Variants in COP1 observed in about 807,000 individuals in gnomAD.
The protein encoded by COP1 is E3 ubiquitin-protein ligase COP1.
In COP1, 24 loss-of-function variants were observed where a neutral mutation model predicts 101.3. That is an observed-to-expected ratio of 0.24 (90% CI 0.17 to 0.33). The LOEUF is 0.33. COP1 is among the 10% of genes least tolerant of loss of function. COP1 has a pLI of 1.00. For missense variants in COP1, 663 were observed against 906.2 expected, an observed-to-expected ratio of 0.73 and a Z score of 3.45; for synonymous variants, 347 against 341.9, an observed-to-expected ratio of 1.01 and a Z score of -0.17.
rs1648988379 is a variant in COP1, at chr1:175,945,053, T to C, written c.*100A>G. The C allele has an allele frequency of 6.5e-6, 6 of 922,736 alleles. No individual in the cohort carries two copies. The highest frequency in any genetic ancestry group is 1.5e-5 in the South Asian group (1 of 67,580). The allele number at this position is 922,736 out of a possible 1,614,324, so 57.2% of individuals were successfully genotyped here. On this transcript the variant is annotated 3_prime_UTR_variant, in exon 20 of 20. Transcript: ENST00000367669. ...AACAAATCCAAAACCCATGATGACTTTGGGGAGAGACATCACATGACATTT... is the reference window on the plus strand; with the variant it reads ...AACAAATCCAAAACCCATGATGACTCTGGGGAGAGACATCACATGACATTT...
chr1:176,009,219 G>GAT (rs1390190027), intron 15 of COP1, among the ~76,000 whole-genome samples: 4 of 152,122 alleles, frequency 2.6e-5, no homozygotes, highest in Non-Finnish European at 5.9e-5. Context: ...ACACAGCTGT[G>GAT]ATACTGCATC....
chr1:175,979,595 T>A (rs751205637), intron 18 of COP1, among the ~76,000 whole-genome samples: 4 of 151,656 alleles, frequency 2.6e-5, no homozygotes, highest in Non-Finnish European at 4.4e-5. Flanking sequence ...AAGCCAATAA[T>A]AAACGCCTAC....
intron 11 of COP1, among the ~76,000 whole-genome samples, chr1:176,048,504 T>A (rs932267687): frequency 2.0e-5 from 3 of 152,204 alleles, no homozygotes; most frequent in African/African-American, 7.2e-5. Flanking sequence ...TGGATTTTAA[T>A]GCACCATAAC....
At chr1:176,133,757 T>C (rs1689340528) in intron 8 of COP1, 1 of 407,344 alleles carries the variant, frequency 2.5e-6, no homozygotes, top group Admixed American at 2.9e-5. Context: ...TTTGCTACTG[T>C]TAAACAGAGA....
At chr1:175,993,648 T>C (rs920226742) in intron 15 of COP1, among the ~76,000 whole-genome samples, 15 of 151,994 alleles carry the variant, frequency 9.9e-5, no homozygotes, top group Non-Finnish European at 1.9e-4. Flanking sequence ...GTATCAGTGA[T>C]GGAAGATGAA....
rs1038317953 is a variant in COP1 at position 176,135,006 on chromosome 1, G to A, written c.968+4C>T. 1.9e-6 allele frequency: 3 copies of A among 1,603,236 alleles called. No individual in the cohort carries two copies. The highest frequency in any genetic ancestry group is 1.7e-4 in the Middle Eastern group (1 of 6,044). Reference sequence around the variant, plus strand: ...CTAATCAATTGCAAGTGTGAAGCTTGTACCTGTGTGATGGAGAAGGAGCTT... The same window carrying A: ...CTAATCAATTGCAAGTGTGAAGCTTATACCTGTGTGATGGAGAAGGAGCTT... On this transcript the variant is annotated splice_donor_region_variant and intron_variant, in intron 8 of 19. Coordinates refer to ENST00000367669, the MANE Select transcript of COP1 (RefSeq NM_022457.7).
At chr1:176,165,808 G>C (rs1018580132) in intron 3 of COP1, among the ~76,000 whole-genome samples, 2 of 152,194 alleles carry the variant, frequency 1.3e-5, no homozygotes, top group Admixed American at 6.5e-5. Context: ...AGGCAGATCA[G>C]AGCCAGATTG....
At chr1:176,165,515 C>T (rs1196360457) in intron 3 of COP1, among the ~76,000 whole-genome samples, 1 of 151,738 alleles carries the variant, frequency 6.6e-6, no homozygotes, top group Non-Finnish European at 1.5e-5. Flanking sequence ...GCCAACATGG[C>T]AAAACCCTGC....
At chr1:176,051,109 T>C (rs192909153) in intron 11 of COP1, among the ~76,000 whole-genome samples, 253 of 152,224 alleles carry the variant, frequency 1.7e-3, no homozygotes, top group African/African-American at 5.8e-3. Flanking sequence ...GTAGAAGAGA[T>C]TACAGACAAT....
At chr1:176,024,502 G>T (rs1441547372) in intron 15 of COP1, among the ~76,000 whole-genome samples, 1 of 152,082 alleles carries the variant, frequency 6.6e-6, no homozygotes, top group Admixed American at 6.6e-5. Context: ...CTGATAAAAA[G>T]TATCTACAAA....
intron 18 of COP1, among the ~76,000 whole-genome samples, chr1:175,969,705 C>T (rs537617769): frequency 1.8e-4 from 28 of 152,104 alleles, no homozygotes; most frequent in Non-Finnish European, 3.2e-4. Context: ...CAGAGGTCTC[C>T]GTCATGAATC....
chr1:176,199,185 C>T (rs1296211681), intron 1 of COP1, among the ~76,000 whole-genome samples: 2 of 151,936 alleles, frequency 1.3e-5, no homozygotes, highest in African/African-American at 4.8e-5. Flanking sequence ...GGCATGGTGG[C>T]GGGCGCCTGT....
chr1:176,181,394 AATAATT>A (rs888817391), intron 2 of COP1, among the ~76,000 whole-genome samples: 30 of 149,320 alleles, frequency 2.0e-4, no homozygotes, highest in African/African-American at 7.1e-4. Context: ...GGAAAGAGTA[AATAATT>A]ATAAACTTTT....
intron 9 of COP1, among the ~76,000 whole-genome samples, chr1:176,094,737 G>A (rs1682024695): frequency 6.7e-6 from 1 of 148,322 alleles, no homozygotes; most frequent in Non-Finnish European, 1.5e-5. Context: ...GAAGATAAAA[G>A]AGCAAATTAG....
chr1:175,987,279 A>T (rs903281935), intron 17 of COP1, among the ~76,000 whole-genome samples, 176 bp from the exon 18 acceptor site: 1 of 152,178 alleles, frequency 6.6e-6, no homozygotes, highest in African/African-American at 2.4e-5. Flanking sequence ...TCTTGGACAA[A>T]AGCTATACTT....
intron 1 of COP1, among the ~76,000 whole-genome samples, chr1:176,195,982 C>T (rs536749987): frequency 5.3e-5 from 8 of 152,132 alleles, no homozygotes; most frequent in Admixed American, 4.6e-4. Context: ...AATATACCCA[C>T]GTAACAAACC....
intron 10 of COP1, among the ~76,000 whole-genome samples, chr1:176,082,964 G>A (rs1174687477): frequency 1.3e-5 from 2 of 152,106 alleles, no homozygotes; most frequent in African/African-American, 4.8e-5. Context: ...ACTTAGTTGT[G>A]CTTCCATTCT....
intron 15 of COP1, among the ~76,000 whole-genome samples, chr1:176,004,533 C>G (rs1481305300): frequency 6.6e-6 from 1 of 151,728 alleles, no homozygotes; most frequent in African/African-American, 2.4e-5. Flanking sequence ...CCCATCAATA[C>G]CTAATTTATT....
chr1:176,084,094 CTCT>C (rs1054613485), intron 10 of COP1, among the ~76,000 whole-genome samples: 4 of 152,090 alleles, frequency 2.6e-5, no homozygotes, highest in Admixed American at 1.3e-4. Context: ...TCTTTCCCAC[CTCT>C]TTTTTTAAAG....
Sources: gnomAD v4.1 joint callset for allele counts (sites outside exome capture counted in the v4.1 genomes callset) on GRCh38, gnomAD v4.1.1 for gene constraint, MANE v1.5 for transcripts, NCBI Gene and HGNC (gene_info 2026-07-23, HGNC 2026-07-21) for gene names.